Variants in ZFPM2 observed in about 807,000 individuals in gnomAD.
ZFPM2 encodes the protein zinc finger protein ZFPM2.
A neutral mutation model predicts 98.6 loss-of-function variants in ZFPM2; 20 were observed. The observed-to-expected ratio is 0.20, with a 90% confidence interval of 0.14 to 0.29. ZFPM2 has a LOEUF of 0.29. Among genes scored for constraint, ZFPM2 ranks in the 10% least tolerant of loss-of-function variants. The pLI is 1.00. For synonymous variants in ZFPM2, 518 were observed against 502.7 expected (o/e 1.03, Z -0.41); for missense variants, 1,310 against 1,388.6 (o/e 0.94, Z 0.90).
chr8:105,546,963 A>G (rs534287346), intron 3 of ZFPM2, among the ~76,000 whole-genome samples: 1 of 152,272 alleles, frequency 6.6e-6, no homozygotes, highest in Non-Finnish European at 1.5e-5. Context: ...TAAAAGTATC[A>G]CAGTTTCCCT....
In ZFPM2 at chr8:105,574,166, G is replaced by A. The variant is rs543931653; in HGVS notation, c.420+12685G>A. The stretch of plus-strand genomic sequence containing the variant: ...CAGGTTTTGTTGTCATACGAATATA[G>A]CTTCATATACGTGTACTCACACGTA... On this transcript the variant is annotated intron_variant, in intron 4 of 7. Coordinates refer to ENST00000407775, the MANE Select transcript of ZFPM2 (RefSeq NM_012082.4). 2.0e-5 allele frequency among the ~76,000 whole-genome samples: 3 copies of A among 152,204 alleles called. No individual in the cohort carries two copies. In the South Asian group the frequency reaches 6.2e-4, roughly 32 times the overall value.
chr8:105,600,656 A>T (rs769447683), intron 4 of ZFPM2, among the ~76,000 whole-genome samples: 18 of 152,150 alleles, frequency 1.2e-4, no homozygotes, highest in East Asian at 3.9e-4. Context: ...TTATTTTTTT[A>T]AAATTGTTTA....
intron 6 of ZFPM2, chr8:105,795,876 G>C: frequency 2.5e-6 from 1 of 402,054 alleles, no homozygotes; most frequent in Admixed American, 3.2e-5. Context: ...CTTAAGAGGA[G>C]AATAGATTCT....
intron 4 of ZFPM2, among the ~76,000 whole-genome samples, chr8:105,578,939 T>C (rs1200497757): frequency 6.6e-6 from 1 of 152,144 alleles, no homozygotes; most frequent in Admixed American, 6.5e-5. Context: ...GCATTAACAA[T>C]CTGATCCTAA....
intron 1 of ZFPM2, among the ~76,000 whole-genome samples, chr8:105,381,940 A>G (rs1299359387): frequency 6.6e-6 from 1 of 152,102 alleles, no homozygotes; most frequent in East Asian, 1.9e-4. Context: ...GGATTGGTAG[A>G]CTTTCTGTTA....
At chr8:105,514,307 C>CTTTTTTTT (rs56955237) in intron 3 of ZFPM2, among the ~76,000 whole-genome samples, 1 of 127,546 alleles carries the variant, frequency 7.8e-6, no homozygotes, top group Non-Finnish European at 1.6e-5. Flanking sequence ...CTGGTCGTGT[C>CTTTTTTTT]TTTTTTTTTT....
At chr8:105,561,272 TATC>T in intron 3 of ZFPM2, 88 bp from the exon 4 acceptor site, 1 of 927,232 alleles carries the variant, frequency 1.1e-6, no homozygotes, top group South Asian at 1.4e-5. Context: ...ATCCTGAGAA[TATC>T]ATGTGTGTAA....
Position 105,486,390 on chromosome 8 carries a change from T to C in ZFPM2, c.301+42009T>C, listed in dbSNP as rs546739566. 8.1e-4 allele frequency among the ~76,000 whole-genome samples: 123 copies of C among 152,282 alleles called. 3 individuals carry two copies. In the South Asian group the frequency reaches 0.025, roughly 31 times the overall value. On this transcript the variant is annotated intron_variant, in intron 3 of 7. Transcript: ENST00000407775. Reference sequence around the variant, plus strand: ...TTTGTGTGTGTATGCTGTGTGTTTGTGTGTGTTTTAATCAATTTGGCCTAA... The same window carrying C: ...TTTGTGTGTGTATGCTGTGTGTTTGCGTGTGTTTTAATCAATTTGGCCTAA...
intron 1 of ZFPM2, among the ~76,000 whole-genome samples, chr8:105,323,517 T>A (rs1586291688): frequency 6.6e-6 from 1 of 152,076 alleles, no homozygotes; most frequent in East Asian, 1.9e-4. Context: ...GTATAATAGT[T>A]GTTTTAGCAA....
chr8:105,318,836 A>T lies in ZFPM2; in HGVS notation c.-106A>T, dbSNP rs1315953126. The T allele has an allele frequency of 3.1e-6, 2 of 644,068 alleles. No homozygotes were observed. Among genetic ancestry groups the T allele is most frequent in the Non-Finnish European group, 3.8e-6 (2 of 527,816 alleles). 39.9% of individuals were successfully genotyped at this position (644,068 alleles called of 1,614,324 possible). Reference sequence around the variant, plus strand: ...CTGGAGTCCGGCCGGCGGCGGGCCGAGCCTGGCCAGCGGCGGCGGCGGCGG... The same window carrying T: ...CTGGAGTCCGGCCGGCGGCGGGCCGTGCCTGGCCAGCGGCGGCGGCGGCGG... On this transcript the variant is annotated 5_prime_UTR_variant, in exon 1 of 8. Coordinates refer to ENST00000407775, the MANE Select transcript of ZFPM2 (RefSeq NM_012082.4).
chr8:105,450,734 TGGG>T (rs909699762), intron 3 of ZFPM2, among the ~76,000 whole-genome samples: 3 of 151,848 alleles, frequency 2.0e-5, no homozygotes, highest in Middle Eastern at 6.8e-3. Flanking sequence ...GTGTGTGTAT[TGGG>T]GGGGTCAGGA....
chr8:105,716,552 A>C (rs1811528554), intron 5 of ZFPM2, among the ~76,000 whole-genome samples: 1 of 152,030 alleles, frequency 6.6e-6, no homozygotes, highest in Admixed American at 6.6e-5. Flanking sequence ...ATAACTCCAC[A>C]GTGCCACTTG....
At chr8:105,618,795 A>G (rs1325384163) in intron 4 of ZFPM2, among the ~76,000 whole-genome samples, 5 of 152,182 alleles carry the variant, frequency 3.3e-5, no homozygotes, top group African/African-American at 1.2e-4. Flanking sequence ...GATGCAGTAT[A>G]AATTCAATCA....
intron 3 of ZFPM2, among the ~76,000 whole-genome samples, chr8:105,552,875 G>T (rs1161929787): frequency 1.3e-5 from 2 of 149,142 alleles, no homozygotes; most frequent in African/African-American, 2.5e-5. Context: ...GGAGTGCAGT[G>T]GCACACCTGT....
Position 105,400,370 on chromosome 8 carries a change from G to A in ZFPM2, c.41-18774G>A, listed in dbSNP as rs368292104. On this transcript the variant is annotated intron_variant, in intron 1 of 7. Transcript: ENST00000407775. ...GCTGGTGCACTGCACCCACTAACTC[G>A]TCATCTAGCATTAGGTATATCTCCC... Among the ~76,000 whole-genome samples, 77 of 151,788 alleles carry A rather than the reference G, an allele frequency of 5.1e-4. No homozygotes were observed. The South Asian group carries it at 6.9e-3, about 14-fold the overall frequency.
At chr8:105,359,494 G>A (rs186002269) in intron 1 of ZFPM2, among the ~76,000 whole-genome samples, 4 of 151,442 alleles carry the variant, frequency 2.6e-5, no homozygotes, top group African/African-American at 9.7e-5. Context: ...TCCTGCCTCA[G>A]CCTCCGAGTA....
chr8:105,370,003 G>A (rs1359996383), intron 1 of ZFPM2, among the ~76,000 whole-genome samples: 1 of 152,130 alleles, frequency 6.6e-6, no homozygotes, highest in African/African-American at 2.4e-5. Flanking sequence ...TTATGTTTAA[G>A]ACTTTGGAGG....
intron 5 of ZFPM2, among the ~76,000 whole-genome samples, chr8:105,745,064 T>C (rs965869724): frequency 6.6e-6 from 1 of 152,154 alleles, no homozygotes; most frequent in African/African-American, 2.4e-5. Flanking sequence ...CATATCCAAC[T>C]TGAATGTCAC....
At chr8:105,740,341 G>A (rs1421394017) in intron 5 of ZFPM2, among the ~76,000 whole-genome samples, 1 of 151,778 alleles carries the variant, frequency 6.6e-6, no homozygotes, top group Non-Finnish European at 1.5e-5. Flanking sequence ...ACATAGTACT[G>A]CTTATTCTAC....
Sources: gnomAD v4.1 joint callset for allele counts (sites outside exome capture counted in the v4.1 genomes callset) on GRCh38, gnomAD v4.1.1 for gene constraint, MANE v1.5 for transcripts, NCBI Gene and HGNC (gene_info 2026-07-23, HGNC 2026-07-21) for gene names.